The following LRRC37A2 variants were observed in gnomAD, a reference collection of about 807,000 sequenced individuals.
The protein encoded by LRRC37A2 is leucine rich repeat containing 37 member A2, also known as leucine-rich repeat-containing protein 37A2.
Under a neutral mutation model 68.8 loss-of-function variants are expected in LRRC37A2, and 9 were observed. The ratio of observed to expected loss-of-function variants is 0.13; its 90% CI spans 0.08 to 0.23. The LOEUF (loss-of-function observed/expected upper bound fraction) is 0.23, where lower values mean the gene tolerates loss of function less well. Among genes scored for constraint, LRRC37A2 ranks in the 10% least tolerant of loss-of-function variants. The pLI, the probability that LRRC37A2 is intolerant of heterozygous loss-of-function variation, is 1.00. For missense variants in LRRC37A2, 168 were observed against 950.4 expected (o/e 0.18, Z 10.82); for synonymous variants, 63 against 367.6 (o/e 0.17, Z 9.48).
the LRRC37A2 span, chr17:46,710,923 A>G: frequency 2.6e-6 from 4 of 1,546,410 alleles, no homozygotes; most frequent in Non-Finnish European, 3.5e-6. Flanking sequence ...AGTTTTTAAC[A>G]CTAAGGCTCA....
the LRRC37A2 span, among the ~76,000 whole-genome samples, chr17:46,909,199 T>TA: frequency 6.6e-6 from 1 of 152,300 alleles, no homozygotes; most frequent in South Asian, 2.1e-4. Context: ...GGCTAATTTT[T>TA]AAAATTTTTT....
the LRRC37A2 span, among the ~76,000 whole-genome samples, chr17:46,999,463 C>T: frequency 6.0e-4 from 91 of 152,244 alleles, 1 homozygote; most frequent in East Asian, 0.017. Context: ...ATCCTCCTGC[C>T]TAAACCTCCC....
At chr17:46,785,073 G>A in the LRRC37A2 span, among the ~76,000 whole-genome samples, 3 of 152,058 alleles carry the variant, frequency 2.0e-5, no homozygotes, top group Non-Finnish European at 2.9e-5. Context: ...CACCGTGCCC[G>A]GCCTCCCCTT....
chr17:46,835,048 G>A, the LRRC37A2 span, among the ~76,000 whole-genome samples: 669 of 152,220 alleles, frequency 4.4e-3, 3 homozygotes, highest in African/African-American at 0.015. Flanking sequence ...AGGCTGCAGC[G>A]CAGTAGTGCG....
the LRRC37A2 span, among the ~76,000 whole-genome samples, chr17:46,934,137 T>C: frequency 1.3e-5 from 2 of 151,094 alleles, no homozygotes; most frequent in Non-Finnish European, 2.9e-5. Context: ...GGGCAGGCCC[T>C]GCGCTCAGTA....
At chr17:46,726,604 A>G in the LRRC37A2 span, 2 of 1,613,746 alleles carry the variant, frequency 1.2e-6, no homozygotes, top group Admixed American at 1.7e-5. Flanking sequence ...GATGACATTG[A>G]GAGATTGCTT....
chr17:46,834,586 C>T, the LRRC37A2 span, among the ~76,000 whole-genome samples: 2 of 152,124 alleles, frequency 1.3e-5, no homozygotes, highest in Non-Finnish European at 2.9e-5. Context: ...GCAAATATAC[C>T]TCCTGGGCTG....
chr17:47,035,872 C>T, the LRRC37A2 span, among the ~76,000 whole-genome samples: 2 of 152,116 alleles, frequency 1.3e-5, no homozygotes, highest in Non-Finnish European at 2.9e-5. Flanking sequence ...AAAGTAGTAT[C>T]TCGCTGCAGT....
chr17:47,005,070 T>C, the LRRC37A2 span, among the ~76,000 whole-genome samples: 1 of 152,174 alleles, frequency 6.6e-6, no homozygotes, highest in Admixed American at 6.5e-5. Context: ...ATACACAAGT[T>C]CTCCAGTCAC....
At chr17:47,019,448 G>A in the LRRC37A2 span, 391 of 1,609,574 alleles carry the variant, frequency 2.4e-4, 21 homozygotes, top group African/African-American at 4.5e-3. Context: ...CAGACCTAGG[G>A]CTTGCCATAA....
At chr17:46,876,842 GCACA>G in the LRRC37A2 span, 51 of 1,430,126 alleles carry the variant, frequency 3.6e-5, no homozygotes, top group Non-Finnish European at 4.6e-5. Flanking sequence ...GTGTGCCAAT[GCACA>G]CGAGTGTGCC....
At chr17:46,720,625 C>T in the LRRC37A2 span, among the ~76,000 whole-genome samples, 2 of 152,280 alleles carry the variant, frequency 1.3e-5, no homozygotes, top group Non-Finnish European at 2.9e-5. Context: ...TGCTCATTTA[C>T]GTTTTTATAT....
At chr17:46,721,230 G>C in the LRRC37A2 span, among the ~76,000 whole-genome samples, 1 of 152,184 alleles carries the variant, frequency 6.6e-6, no homozygotes, top group Non-Finnish European at 1.5e-5. Context: ...CTCCACCTTT[G>C]CATGCAAGAG....
the LRRC37A2 span, among the ~76,000 whole-genome samples, chr17:46,500,948 A>T: frequency 6.6e-6 from 1 of 151,156 alleles, no homozygotes; most frequent in African/African-American, 2.5e-5. Flanking sequence ...GGGAGGCTGA[A>T]GCGGGTGGAT....
the LRRC37A2 span, among the ~76,000 whole-genome samples, chr17:46,793,272 TAAAAAAAAAAAAAAAAAA>T: frequency 9.5e-5 from 4 of 41,952 alleles, no homozygotes; most frequent in African/African-American, 3.9e-4. Flanking sequence ...AGACCCTGTC[TAAAAAAAAAAAAAAAAAA>T]AAAAAAAAAA....
the LRRC37A2 span, among the ~76,000 whole-genome samples, chr17:46,771,171 G>A: frequency 6.6e-6 from 1 of 152,194 alleles, no homozygotes; most frequent in East Asian, 1.9e-4. Flanking sequence ...AGAGGGGCCC[G>A]TCCCACTTCC....
the LRRC37A2 span, chr17:46,931,894 T>C: frequency 3.0e-6 from 2 of 669,424 alleles, no homozygotes; most frequent in Non-Finnish European, 5.4e-6. Flanking sequence ...ACAAGTTTCT[T>C]CTTGACTTTC....
chr17:46,849,131 A>T, the LRRC37A2 span, among the ~76,000 whole-genome samples: 1 of 152,176 alleles, frequency 6.6e-6, no homozygotes, highest in Admixed American at 6.5e-5. Flanking sequence ...CATCAGGAGG[A>T]GGGAACCCAA....
the LRRC37A2 span, among the ~76,000 whole-genome samples, chr17:47,002,812 CATTACT>C: frequency 6.6e-6 from 1 of 152,096 alleles, no homozygotes; most frequent in Non-Finnish European, 1.5e-5. Flanking sequence ...CACCTCCCCA[CATTACT>C]TTTTATTGCT....
Sources: gnomAD v4.1 joint callset for allele counts (sites outside exome capture counted in the v4.1 genomes callset) on GRCh38, gnomAD v4.1.1 for gene constraint, MANE v1.5 for transcripts, NCBI Gene and HGNC (gene_info 2026-07-23, HGNC 2026-07-21) for gene names.